EMP2: variants seen among roughly 807,000 people sequenced by gnomAD.
EMP2 encodes the protein epithelial membrane protein 2.
In EMP2, 19 loss-of-function variants were observed where a neutral mutation model predicts 13.7. The observed-to-expected ratio is 1.38, with a 90% confidence interval of 0.97 to 2.03. The LOEUF (loss-of-function observed/expected upper bound fraction) is 2.03, where lower values mean the gene tolerates loss of function less well. Among genes scored for constraint, EMP2 ranks in the 30% most tolerant of loss-of-function variants. The pLI is 0.00. For missense variants in EMP2, 253 were observed against 220.7 expected, an observed-to-expected ratio of 1.15 and a Z score of -0.93; for synonymous variants, 97 against 84.7, an observed-to-expected ratio of 1.15 and a Z score of -0.80.
chr16:10,572,960 C>A (rs1218576893), intron 1 of EMP2, among the ~76,000 whole-genome samples: 1 of 152,180 alleles, frequency 6.6e-6, no homozygotes, highest in East Asian at 1.9e-4. Flanking sequence ...AACTGGGACC[C>A]CAAAGCATCT....
At chr16:10,575,234 A>ATTTTTTTTT (rs1261477826) in intron 1 of EMP2, among the ~76,000 whole-genome samples, 1 of 53,374 alleles carries the variant, frequency 1.9e-5, no homozygotes, top group African/African-American at 6.7e-5. Flanking sequence ...TGGAGCTTGC[A>ATTTTTTTTT]TTCTTTTTTT....
Position 10,532,843 on chromosome 16 carries a change from T to C in EMP2, c.*62A>G, listed in dbSNP as rs1157271072. ...AAAACCTCAAAAAATAATGATTATA[T>C]ACAAAATGGTTATCTGAATGTGGAT... On this transcript the variant is annotated 3_prime_UTR_variant, in exon 5 of 5. Coordinates refer to ENST00000359543, the MANE Select transcript of EMP2 (RefSeq NM_001424.6). The C allele has an allele frequency of 4.5e-6, 5 of 1,123,558 alleles. No homozygotes were observed. The highest frequency in any genetic ancestry group is 5.6e-6 in the Non-Finnish European group (5 of 893,644). The allele number at this position is 1,123,558 out of a possible 1,614,324, so 69.6% of individuals were successfully genotyped here.
chr16:10,578,731 A>C (rs1110269), intron 1 of EMP2, among the ~76,000 whole-genome samples: 100,947 of 152,152 alleles, frequency 0.66, 33,663 homozygotes, highest in South Asian at 0.73. Context: ...GCTCCAGGCT[A>C]TGTGGCCAGC....
chr16:10,540,641 C>A (rs1192768401), intron 3 of EMP2, among the ~76,000 whole-genome samples: 1 of 152,084 alleles, frequency 6.6e-6, no homozygotes, highest in Non-Finnish European at 1.5e-5. Context: ...TGTTTTTTAA[C>A]ATGAAAAGGA....
At chr16:10,560,383 A>G (rs545978169) in intron 1 of EMP2, among the ~76,000 whole-genome samples, 1 of 152,324 alleles carries the variant, frequency 6.6e-6, no homozygotes, top group African/African-American at 2.4e-5. Flanking sequence ...GTCCTGTCAG[A>G]AGGACAGGCA....
Position 10,563,705 on chromosome 16 carries a change from G to T in EMP2, c.-60-16028C>A, listed in dbSNP as rs188580344. 5.1e-3 allele frequency among the ~76,000 whole-genome samples: 780 copies of T among 152,326 alleles called. 7 individuals are homozygous for T. Among genetic ancestry groups the T allele is most frequent in the Non-Finnish European group, 5.6e-3 (380 of 68,032 alleles). On this transcript the variant is annotated intron_variant, in intron 1 of 4. Transcript: ENST00000359543. ...CAGGAAGTAATTTGAGTGAAATGAG[G>T]TAAGAGCACAGACTTGAGCCAGACT...
At position 10,529,182 on chromosome 16, in the gene EMP2, T is replaced by C. The variant is rs1010792463; in HGVS notation, c.*3723A>G. The C allele has an allele frequency of 2.0e-5, 3 of 152,214 alleles. No individual in the cohort carries two copies. The highest frequency in any genetic ancestry group is 3.8e-4 in the East Asian group (2 of 5,204). The allele number at this position is 152,214 out of a possible 1,614,324, so 9.4% of individuals were successfully genotyped here. On this transcript the variant is annotated 3_prime_UTR_variant, in exon 5 of 5. Transcript: ENST00000359543. ...ATTACAGTACTTTATAAAAATGTCATAAAATGCGCAAACTACAGTTCCTTC... is the reference window on the plus strand; with the variant it reads ...ATTACAGTACTTTATAAAAATGTCACAAAATGCGCAAACTACAGTTCCTTC...
At chr16:10,574,704 A>C (rs2050970583) in intron 1 of EMP2, among the ~76,000 whole-genome samples, 1 of 151,912 alleles carries the variant, frequency 6.6e-6, no homozygotes, top group South Asian at 2.1e-4. Context: ...GGTGTGTGCC[A>C]CCATGCCGGC....
At chr16:10,559,642 C>G (rs1317865017) in intron 1 of EMP2, among the ~76,000 whole-genome samples, 1 of 152,238 alleles carries the variant, frequency 6.6e-6, no homozygotes. Flanking sequence ...TCATTACTCA[C>G]CAACTCTGAT....
intron 4 of EMP2, among the ~76,000 whole-genome samples, chr16:10,536,213 C>T (rs1057324548): frequency 9.2e-5 from 14 of 152,170 alleles, no homozygotes; most frequent in African/African-American, 3.1e-4. Context: ...TCCTAGGATG[C>T]GGGACTTTCA....
chr16:10,575,237 C>CATTTTT lies in EMP2; in HGVS notation c.-61+5311_-61+5312insAAAAAT, dbSNP rs2050975115. 3.8e-5 allele frequency among the ~76,000 whole-genome samples: 2 copies of CATTTTT among 52,500 alleles called. 1 individual carries two copies. The highest frequency in any genetic ancestry group is 1.4e-3 in the South Asian group (2 of 1,406). 34.4% of individuals were successfully genotyped at this position (52,500 alleles called of 152,430 possible). On this transcript the variant is annotated intron_variant, in intron 1 of 4. Coordinates refer to ENST00000359543, the MANE Select transcript of EMP2 (RefSeq NM_001424.6). ...TGGCCTTGGTCCTGGAGCTTGCATT[C>CATTTTT]TTTTTTTTTTTTTTTTTTTTTTTTT...
At chr16:10,533,165 G>A in intron 4 of EMP2, 73 bp from the exon 5 acceptor site, 10 of 1,280,350 alleles carry the variant, frequency 7.8e-6, no homozygotes, top group Non-Finnish European at 9.2e-6. Context: ...GGGGCATACG[G>A]CCAGAGTTGA....
rs187318968 is a variant in EMP2, at chr16:10,564,469, C to T, written c.-61+16080G>A. On this transcript the variant is annotated intron_variant, in intron 1 of 4. Coordinates refer to ENST00000359543, the MANE Select transcript of EMP2 (RefSeq NM_001424.6). ...TTGCGCCACTGCACTCCAGCCTCAG[C>T]GACAGAGTGAGACTCTGTCTCAAAA... Among the ~76,000 whole-genome samples the T allele has an allele frequency of 2.5e-4, 32 of 130,480 alleles. No homozygotes were observed. The East Asian group carries it at 3.0e-3, about 12-fold the overall frequency. The allele number at this position is 130,480 out of a possible 152,430, so 85.6% of individuals were successfully genotyped here.
chr16:10,549,932 C>G (rs1463841833), intron 1 of EMP2, among the ~76,000 whole-genome samples: 5 of 132,858 alleles, frequency 3.8e-5, no homozygotes, highest in African/African-American at 1.5e-4. Context: ...GTTGCCCAGG[C>G]TGGAGTACAG....
chr16:10,570,013 T>G (rs1160304531), intron 1 of EMP2, among the ~76,000 whole-genome samples: 1 of 152,034 alleles, frequency 6.6e-6, no homozygotes, highest in African/African-American at 2.4e-5. Flanking sequence ...CACCCAAGCC[T>G]CCCTTCTCCC....
intron 1 of EMP2, among the ~76,000 whole-genome samples, chr16:10,560,730 G>A (rs946838578): frequency 2.0e-5 from 3 of 152,302 alleles, no homozygotes; most frequent in Middle Eastern, 3.4e-3. Context: ...TGGAAGAAGC[G>A]ACACCTGAGC....
chr16:10,539,241 T>A (rs1313975860), intron 3 of EMP2, among the ~76,000 whole-genome samples: 1 of 139,024 alleles, frequency 7.2e-6, no homozygotes, highest in African/African-American at 2.5e-5. Context: ...ACCTTCCTTT[T>A]CTTTTTCTTT....
Position 10,533,072 on chromosome 16 carries a change from C to G in EMP2, c.337G>C (p.Ala113Pro). 6.3e-7 allele frequency: 1 copy of G among 1,588,350 alleles called. No homozygotes were observed. Among genetic ancestry groups the G allele is most frequent in the Non-Finnish European group, 8.6e-7 (1 of 1,166,244 alleles). Residue 113 changes from alanine (A) to proline (P), a missense_variant, in exon 5 of 5, where the codon GCC (alanine) becomes CCC (proline). Ala to Pro is a conservative substitution (Grantham distance 27). Coordinates refer to ENST00000359543, the MANE Select transcript of EMP2 (RefSeq NM_001424.6). ...LMSCLCVMIAASIYTDRREDI... is the reference protein window; with the variant it reads ...LMSCLCVMIAPSIYTDRREDI... The stretch of plus-strand genomic sequence containing the variant: ...TCACGCCTGTCTGTATAAATGGAGG[C>G]CGCAATCATGACACACAGACCTGTC...
At chr16:10,540,272 G>A (rs1440246340) in intron 3 of EMP2, among the ~76,000 whole-genome samples, 4 of 152,212 alleles carry the variant, frequency 2.6e-5, no homozygotes, top group Admixed American at 6.5e-5. Context: ...ATGGGAGGCA[G>A]AGGCAGGTGG....
Sources: allele counts gnomAD v4.1 joint callset (sites outside exome capture counted in the v4.1 genomes callset), GRCh38; gene constraint gnomAD v4.1.1; transcripts MANE v1.5; gene names NCBI Gene and HGNC (gene_info 2026-07-23, HGNC 2026-07-21).